Variants in LONRF1 observed in about 807,000 individuals in gnomAD.
LONRF1 encodes LON peptidase N-terminal domain and ring finger 1, also known as LON peptidase N-terminal domain and RING finger protein 1.
Under a neutral mutation model 85.8 loss-of-function variants are expected in LONRF1, and 37 were observed. The ratio of observed to expected loss-of-function variants is 0.43; its 90% CI spans 0.33 to 0.57. LONRF1 has a LOEUF of 0.57. Ranked by LOEUF, LONRF1 falls within the 20% of genes least tolerant of loss-of-function variation. The pLI is 0.04. For synonymous variants in LONRF1, 517 were observed against 390.1 expected (o/e 1.33, Z -3.83); for missense variants, 1,036 against 978.0 (o/e 1.06, Z -0.79).
chr8:12,733,323 A>C (rs10112688), intron 7 of LONRF1, among the ~76,000 whole-genome samples: 946 of 33,794 alleles, frequency 0.028, 9 homozygotes, highest in African/African-American at 0.04. Flanking sequence ...TAAAAATCTC[A>C]ATAAATGTAA....
intron 1 of LONRF1, among the ~76,000 whole-genome samples, chr8:12,748,282 G>T (rs927043447): frequency 6.6e-6 from 1 of 152,046 alleles, no homozygotes; most frequent in African/African-American, 2.4e-5. Flanking sequence ...ATGGCTCACC[G>T]CAGCCTCGAC....
At chr8:12,749,166 A>C (rs1162856471) in intron 1 of LONRF1, among the ~76,000 whole-genome samples, 1 of 152,210 alleles carries the variant, frequency 6.6e-6, no homozygotes, top group Non-Finnish European at 1.5e-5. Context: ...AATATCTCAA[A>C]ACAAAGTGAT....
intron 1 of LONRF1, chr8:12,754,421 G>C (rs1436740349): frequency 6.8e-6 from 2 of 292,730 alleles, no homozygotes; most frequent in East Asian, 1.2e-4. Flanking sequence ...GGGAGCGCGC[G>C]CCCGACAGCC....
chr8:12,725,469 G>T (rs1309038144), intron 11 of LONRF1, among the ~76,000 whole-genome samples: 2 of 152,070 alleles, frequency 1.3e-5, no homozygotes, highest in Non-Finnish European at 2.9e-5. Flanking sequence ...ATCCTCTTAA[G>T]GACTTGCTCC....
At position 12,725,701 on chromosome 8, in the gene LONRF1, T is replaced by C. The variant is rs945224126; in HGVS notation, c.2163+26A>G. 5 of 1,590,266 alleles carry C rather than the reference T, an allele frequency of 3.1e-6. No homozygotes were observed. The African/African-American group carries it at 5.4e-5, about 17-fold the overall frequency. ...ATTTGGGTTTATAAAAAAGTGACTT[T>C]TGGAAGAACAGAAAAGCCACCATAC... On this transcript the variant is annotated intron_variant, in intron 11 of 11. Transcript: ENST00000398246.
intron 10 of LONRF1, among the ~76,000 whole-genome samples, chr8:12,726,456 C>T (rs1798308423): frequency 6.6e-6 from 1 of 152,196 alleles, no homozygotes; most frequent in African/African-American, 2.4e-5. Context: ...CAATGATGAG[C>T]TTCTGCTGGC....
rs1194338666 is a variant in LONRF1, at chr8:12,722,877, G to C, written c.*219C>G. The C allele has an allele frequency of 6.5e-6, 3 of 463,450 alleles. No individual in the cohort carries two copies. Among genetic ancestry groups the C allele is most frequent in the Non-Finnish European group, 1.2e-5 (3 of 257,794 alleles). The allele number at this position is 463,450 out of a possible 1,614,324, so 28.7% of individuals were successfully genotyped here. Reference sequence around the variant, plus strand: ...GTGCAACTTCACAATGTAGAGGTTCGACACACATTCAATGCGTGTTTTTCT... The same window carrying C: ...GTGCAACTTCACAATGTAGAGGTTCCACACACATTCAATGCGTGTTTTTCT... On this transcript the variant is annotated 3_prime_UTR_variant, in exon 12 of 12. Transcript: ENST00000398246.
chr8:12,738,191 T>A, intron 3 of LONRF1, 47 bp from the exon 4 acceptor site: 1 of 1,280,990 alleles, frequency 7.8e-7, no homozygotes, highest in Non-Finnish European at 1.1e-6. Flanking sequence ...AATATTTGGT[T>A]AAGGATAATT....
chr8:12,736,680 T>C (rs777487188), intron 6 of LONRF1, 21 bp downstream of exon 6: 6 of 1,500,518 alleles, frequency 4.0e-6, no homozygotes, highest in East Asian at 2.3e-5. Context: ...ATTCATCTTC[T>C]ATAAAGTTTT....
intron 7 of LONRF1, among the ~76,000 whole-genome samples, chr8:12,734,653 T>C (rs1209028886): frequency 1.3e-5 from 2 of 152,172 alleles, no homozygotes; most frequent in African/African-American, 4.8e-5. Context: ...AGAAGGGGAA[T>C]AGGAAGCTGT....
At chr8:12,728,251 A>C (rs1393750488) in intron 10 of LONRF1, among the ~76,000 whole-genome samples, 1 of 152,140 alleles carries the variant, frequency 6.6e-6, no homozygotes, top group Non-Finnish European at 1.5e-5. Context: ...TGGGTATTGC[A>C]AACATCAAAA....
intron 1 of LONRF1, among the ~76,000 whole-genome samples, chr8:12,750,877 C>T (rs969491748): frequency 6.6e-6 from 1 of 152,146 alleles, no homozygotes; most frequent in Non-Finnish European, 1.5e-5. Flanking sequence ...CCCTTCTAGC[C>T]GTAACACACT....
chr8:12,751,823 T>C (rs926218565), intron 1 of LONRF1, among the ~76,000 whole-genome samples: 1 of 151,982 alleles, frequency 6.6e-6, no homozygotes, highest in Non-Finnish European at 1.5e-5. Flanking sequence ...CAGCATGGCT[T>C]AGGGGGATCA....
intron 7 of LONRF1, among the ~76,000 whole-genome samples, chr8:12,734,262 A>AT (rs5889397): frequency 0.89 from 135,502 of 152,184 alleles, 61,157 homozygotes; most frequent in Non-Finnish European, 0.96. Context: ...TTTGTTTTAC[A>AT]TATCAGCTTG....
chr8:12,722,148 T>A lies in LONRF1; in HGVS notation c.*948A>T, dbSNP rs937271851. 6.6e-6 allele frequency: 1 copy of A among 152,456 alleles called. No homozygotes were observed. Among genetic ancestry groups the A allele is most frequent in the Non-Finnish European group, 1.5e-5 (1 of 68,006 alleles). The allele number at this position is 152,456 out of a possible 1,614,324, so 9.4% of individuals were successfully genotyped here. A position where few individuals can be genotyped will look rare whatever the true frequency, so the allele number is the denominator to read the frequency against. On this transcript the variant is annotated 3_prime_UTR_variant, in exon 12 of 12. Coordinates refer to ENST00000398246, the MANE Select transcript of LONRF1 (RefSeq NM_152271.5). ...ACCAGAATTAAAAACAAAAACAAACTTTAAAAGCTTAGTTCTATATTAAAC... is the reference window on the plus strand; with the variant it reads ...ACCAGAATTAAAAACAAAAACAAACATTAAAAGCTTAGTTCTATATTAAAC...
intron 4 of LONRF1, chr8:12,737,490 C>A (rs1185265434): frequency 1.9e-5 from 7 of 374,282 alleles, no homozygotes; most frequent in African/African-American, 1.5e-4. Flanking sequence ...TTATAAGTAA[C>A]CTAGAGATGA....
At chr8:12,754,244 G>C (rs939939305) in intron 1 of LONRF1, 14 of 154,170 alleles carry the variant, frequency 9.1e-5, no homozygotes, top group African/African-American at 2.2e-4. Context: ...AGTTGCCCTC[G>C]CGGGGGATTC....
Position 12,723,164 on chromosome 8 carries a change from A to C in LONRF1, c.2254T>G (p.Ser752Ala). ...ATCTTGGTCAACCGTTCTTTCAAAG[A>C]CTTCATTGACAAAACCGACAGCTGG... is the stretch of plus-strand genomic sequence containing the variant. ...RYQLSVLSMK[S>A]LKERLTKIQH... The change falls in exon 12 of 12, where the codon TCT becomes GCT. Residue 752 changes from serine to alanine, a missense_variant. Physicochemically the swap from Ser to Ala is moderately conservative, Grantham distance 99. Transcript: ENST00000398246. The C allele has an allele frequency of 6.2e-7, 1 of 1,614,162 alleles. No individual in the cohort carries two copies. Among genetic ancestry groups the C allele is most frequent in the Non-Finnish European group, 8.5e-7 (1 of 1,180,016 alleles).
chr8:12,736,292 T>C (rs1326592148), intron 6 of LONRF1, among the ~76,000 whole-genome samples: 1 of 152,206 alleles, frequency 6.6e-6, no homozygotes, highest in Non-Finnish European at 1.5e-5. Context: ...ACTTTATGGT[T>C]AATATACATT....
Sources: allele counts gnomAD v4.1 joint callset (sites outside exome capture counted in the v4.1 genomes callset), GRCh38; gene constraint gnomAD v4.1.1; transcripts MANE v1.5; gene names NCBI Gene and HGNC (gene_info 2026-07-23, HGNC 2026-07-21).